KCNIP4: variants seen among roughly 807,000 people sequenced by gnomAD.
KCNIP4 encodes the protein Kv channel-interacting protein 4.
A neutral mutation model predicts 34.0 loss-of-function variants in KCNIP4; 12 were observed. That is an observed-to-expected ratio of 0.35 (90% CI 0.23 to 0.57). The LOEUF is 0.57. KCNIP4 is among the 20% of genes least tolerant of loss of function. The pLI is 0.83. For synonymous variants in KCNIP4, 124 were observed against 102.2 expected, an observed-to-expected ratio of 1.21 and a Z score of -1.29; for missense variants, 238 against 311.7, an observed-to-expected ratio of 0.76 and a Z score of 1.78.
chr4:20,901,003 A>C (rs1476018918), intron 1 of KCNIP4, among the ~76,000 whole-genome samples: 1 of 151,682 alleles, frequency 6.6e-6, no homozygotes, highest in Non-Finnish European at 1.5e-5. Context: ...TGTGCACAGA[A>C]CAGAGCAGGA....
At chr4:21,528,350 A>G (rs75401663) in intron 1 of KCNIP4, among the ~76,000 whole-genome samples, 12,641 of 151,966 alleles carry the variant, frequency 0.083, 871 homozygotes, top group Admixed American at 0.18. Context: ...TTCCTCCAAC[A>G]GTTCATGTTT....
At chr4:21,855,319 G>A (rs975855250) in intron 1 of KCNIP4, among the ~76,000 whole-genome samples, 4 of 152,156 alleles carry the variant, frequency 2.6e-5, no homozygotes, top group African/African-American at 9.7e-5. Context: ...ACCTCCGTTA[G>A]CTTTTCTTCA....
chr4:21,293,367 A>G (rs564101186), intron 1 of KCNIP4, among the ~76,000 whole-genome samples: 90 of 152,292 alleles, frequency 5.9e-4, no homozygotes, highest in African/African-American at 2.1e-3. Context: ...GGTAAAGTCC[A>G]TACTCTCTCC....
intron 5 of KCNIP4, among the ~76,000 whole-genome samples, chr4:20,737,188 A>G (rs924612300): frequency 6.6e-6 from 1 of 152,224 alleles, no homozygotes; most frequent in Non-Finnish European, 1.5e-5. Context: ...GAATTCCAAT[A>G]TTTGGCAGGT....
intron 4 of KCNIP4, among the ~76,000 whole-genome samples, chr4:20,750,349 G>C (rs1753381357): frequency 6.6e-6 from 1 of 152,040 alleles, no homozygotes; most frequent in Non-Finnish European, 1.5e-5. Flanking sequence ...CTGATGGATT[G>C]GGGTCATTGG....
intron 1 of KCNIP4, among the ~76,000 whole-genome samples, chr4:21,748,785 C>A (rs1577935789): frequency 1.3e-5 from 2 of 151,966 alleles, no homozygotes; most frequent in African/African-American, 2.4e-5. Context: ...CATGGTAAGG[C>A]AGCTTTTTAG....
chr4:21,748,680 C>A (rs1419994277), intron 1 of KCNIP4, among the ~76,000 whole-genome samples: 1 of 152,032 alleles, frequency 6.6e-6, no homozygotes, highest in Non-Finnish European at 1.5e-5. Context: ...TAATCTGAGG[C>A]TGTTATTTTT....
chr4:21,719,556 G>A (rs1503992), intron 1 of KCNIP4, among the ~76,000 whole-genome samples: 1 of 152,036 alleles, frequency 6.6e-6, no homozygotes, highest in African/African-American at 2.4e-5. Flanking sequence ...AATAAATGAT[G>A]CAGTGATTCC....
chr4:21,668,662 G>A (rs1749219068), intron 1 of KCNIP4, among the ~76,000 whole-genome samples: 1 of 152,010 alleles, frequency 6.6e-6, no homozygotes, highest in African/African-American at 2.4e-5. Context: ...GTTAATGAGA[G>A]CTAAAACTTT....
At chr4:20,821,569 G>T (rs1717106417) in intron 3 of KCNIP4, among the ~76,000 whole-genome samples, 1 of 151,856 alleles carries the variant, frequency 6.6e-6, no homozygotes, top group Non-Finnish European at 1.5e-5. Context: ...CTGAGATTTT[G>T]GTGCACCTGT....
At chr4:21,125,366 G>A (rs1056185682) in intron 1 of KCNIP4, among the ~76,000 whole-genome samples, 5 of 151,566 alleles carry the variant, frequency 3.3e-5, no homozygotes, top group African/African-American at 9.7e-5. Context: ...AGAGGTGCCC[G>A]CCACCATGCC....
intron 1 of KCNIP4, among the ~76,000 whole-genome samples, chr4:21,635,037 G>A (rs2109216416): frequency 6.6e-6 from 1 of 152,164 alleles, no homozygotes; most frequent in African/African-American, 2.4e-5. Context: ...GCAAAGGCTG[G>A]GAAAGTTAGT....
chr4:21,663,992 T>G (rs1170170746), intron 1 of KCNIP4, among the ~76,000 whole-genome samples: 1 of 152,182 alleles, frequency 6.6e-6, no homozygotes, highest in Non-Finnish European at 1.5e-5. Flanking sequence ...TTGCCCAGGC[T>G]GGAGTGCAGT....
chr4:20,980,533 C>T (rs1479342821), intron 1 of KCNIP4, among the ~76,000 whole-genome samples: 1 of 152,176 alleles, frequency 6.6e-6, no homozygotes, highest in Non-Finnish European at 1.5e-5. Flanking sequence ...AACTGTTTCT[C>T]TTAACCCTTT....
At chr4:21,154,808 T>G (rs1560770317) in intron 1 of KCNIP4, among the ~76,000 whole-genome samples, 1 of 152,170 alleles carries the variant, frequency 6.6e-6, no homozygotes, top group Non-Finnish European at 1.5e-5. Flanking sequence ...CTTTTCCTCT[T>G]TTTGTCTTTC....
Position 21,071,914 on chromosome 4 carries a change from T to G in KCNIP4, c.62-189205A>C, listed in dbSNP as rs936207502. ...GGTGTTTGGTTTTTTGTCCTTGCGA[T>G]AGTTTGCTGAGAATGATGGTTTACA... On this transcript the variant is annotated intron_variant, in intron 1 of 8. Transcript: ENST00000382152. 3.9e-5 allele frequency among the ~76,000 whole-genome samples: 6 copies of G among 152,202 alleles called. No homozygotes were observed. In the East Asian group the frequency reaches 1.2e-3, roughly 29 times the overall value.
chr4:21,327,246 T>C (rs1290711834), intron 1 of KCNIP4, among the ~76,000 whole-genome samples: 1 of 152,156 alleles, frequency 6.6e-6, no homozygotes, highest in African/African-American at 2.4e-5. Flanking sequence ...GTGGTGTTGA[T>C]AACATTCCTC....
At chr4:20,810,515 G>A (rs1244633785) in intron 3 of KCNIP4, among the ~76,000 whole-genome samples, 1 of 152,078 alleles carries the variant, frequency 6.6e-6, no homozygotes, top group African/African-American at 2.4e-5. Flanking sequence ...AGCTATGTCT[G>A]TATGAAAAGA....
At chr4:20,983,974 G>A in intron 1 of KCNIP4, 2 of 1,530,652 alleles carry the variant, frequency 1.3e-6, no homozygotes, top group East Asian at 2.4e-5. Flanking sequence ...TTGGAGTGGA[G>A]GGAGTTAATT....
Sources: allele counts gnomAD v4.1 joint callset (sites outside exome capture counted in the v4.1 genomes callset), GRCh38; gene constraint gnomAD v4.1.1; transcripts MANE v1.5; gene names NCBI Gene and HGNC (gene_info 2026-07-23, HGNC 2026-07-21).